The following LRP1B variants were observed in gnomAD, a reference collection of about 807,000 sequenced individuals.
LRP1B encodes the protein low-density lipoprotein receptor-related protein 1B.
LRP1B carries 217 observed loss-of-function variants against 556.6 expected under a neutral mutation model. The ratio of observed to expected loss-of-function variants is 0.39; its 90% CI spans 0.35 to 0.44. LRP1B has a LOEUF of 0.44. Among genes scored for constraint, LRP1B ranks in the 20% least tolerant of loss-of-function variants. The probability of loss-of-function intolerance (pLI) is 1.00; values close to 1 mark genes in which losing one functional copy is unlikely to be tolerated. For missense variants in LRP1B, 5,053 were observed against 5,620.8 expected, an observed-to-expected ratio of 0.90 and a Z score of 3.23; for synonymous variants, 2,047 against 1,865.8, an observed-to-expected ratio of 1.10 and a Z score of -2.50.
intron 65 of LRP1B, 70 bp from the exon 66 acceptor site, chr2:140,442,693 A>G (rs1686484368): frequency 5.4e-6 from 8 of 1,484,078 alleles, no homozygotes; most frequent in Non-Finnish European, 7.4e-6. Flanking sequence ...CAAATTTTAC[A>G]GACAAATGTT....
intron 1 of LRP1B, among the ~76,000 whole-genome samples, chr2:141,953,316 A>G (rs1032763540): frequency 2.6e-5 from 4 of 152,086 alleles, no homozygotes; most frequent in Admixed American, 6.6e-5. Context: ...TATTTATACA[A>G]TTACTTTTAT....
intron 72 of LRP1B, among the ~76,000 whole-genome samples, chr2:140,364,214 T>C (rs978190390): frequency 2.0e-5 from 3 of 151,638 alleles, no homozygotes; most frequent in African/African-American, 4.8e-5. Flanking sequence ...GATATACAGA[T>C]AGATGATTGA....
At chr2:141,568,831 G>A (rs1250437672) in intron 2 of LRP1B, among the ~76,000 whole-genome samples, 1 of 151,110 alleles carries the variant, frequency 6.6e-6, no homozygotes, top group East Asian at 1.9e-4. Flanking sequence ...TCAGCTCACT[G>A]CAACCTCCAC....
At chr2:140,849,987 A>G in intron 29 of LRP1B, 115 bp downstream of exon 29, 1 of 685,520 alleles carries the variant, frequency 1.5e-6, no homozygotes, top group South Asian at 1.9e-5. Context: ...AATCAATTCT[A>G]ACTTTCAATT....
chr2:141,881,672 A>G (rs1036809216), intron 1 of LRP1B, among the ~76,000 whole-genome samples: 2 of 152,080 alleles, frequency 1.3e-5, no homozygotes, highest in African/African-American at 2.4e-5. Flanking sequence ...GTGAAAAAAA[A>G]ACATTGCAGG....
At chr2:141,114,056 AAGC>A (rs1379951009) in intron 7 of LRP1B, among the ~76,000 whole-genome samples, 1 of 152,232 alleles carries the variant, frequency 6.6e-6, no homozygotes, top group Non-Finnish European at 1.5e-5. Flanking sequence ...AATTATGGTG[AAGC>A]AGGAGAATTC....
chr2:141,782,329 T>G (rs1484296216), intron 2 of LRP1B, among the ~76,000 whole-genome samples: 3 of 152,202 alleles, frequency 2.0e-5, no homozygotes, highest in Admixed American at 6.6e-5. Context: ...TAATGGATTT[T>G]ACCACAGATT....
At chr2:141,586,551 T>C (rs1687140438) in intron 2 of LRP1B, among the ~76,000 whole-genome samples, 1 of 152,104 alleles carries the variant, frequency 6.6e-6, no homozygotes, top group African/African-American at 2.4e-5. Context: ...CTAGAACAAA[T>C]GAAGTGATTG....
intron 2 of LRP1B, among the ~76,000 whole-genome samples, chr2:141,672,633 G>A (rs1690715530): frequency 6.6e-6 from 1 of 152,114 alleles, no homozygotes; most frequent in Non-Finnish European, 1.5e-5. Context: ...AATCTGGGAA[G>A]CCTGCACAAT....
chr2:141,727,649 A>G (rs13017029), intron 2 of LRP1B, among the ~76,000 whole-genome samples: 89,857 of 152,000 alleles, frequency 0.59, 27,074 homozygotes, highest in East Asian at 0.92. Flanking sequence ...AAATTCTACT[A>G]TTCTTTCCAA....
intron 2 of LRP1B, among the ~76,000 whole-genome samples, chr2:141,724,156 A>G (rs1692943871): frequency 6.6e-6 from 1 of 151,902 alleles, no homozygotes. Context: ...ATCATTCATG[A>G]GATTTGTTTA....
intron 18 of LRP1B, among the ~76,000 whole-genome samples, chr2:140,970,668 G>A (rs1696384721): frequency 6.7e-6 from 1 of 148,706 alleles, no homozygotes; most frequent in South Asian, 2.2e-4. Context: ...TCTTGGAACT[G>A]CCCCAGGATC....
At chr2:140,356,595 A>G (rs1682233912) in intron 74 of LRP1B, 119 bp from the exon 75 acceptor site, 2 of 670,140 alleles carry the variant, frequency 3.0e-6, no homozygotes, top group Non-Finnish European at 5.0e-6. Flanking sequence ...TTTTGAATGT[A>G]CAAGGTTACG....
At chr2:141,404,659 T>C (rs530851001) in intron 3 of LRP1B, among the ~76,000 whole-genome samples, 1 of 152,206 alleles carries the variant, frequency 6.6e-6, no homozygotes. Flanking sequence ...TAATGCTGAA[T>C]GTATAGTGGC....
intron 4 of LRP1B, among the ~76,000 whole-genome samples, chr2:141,251,684 G>T (rs749397407): frequency 1.1e-4 from 17 of 152,022 alleles, no homozygotes; most frequent in Non-Finnish European, 2.2e-4. Context: ...AAGAAGTAAA[G>T]TTCTTCTGAA....
chr2:140,314,548 AT>A (rs1307358594), intron 83 of LRP1B, among the ~76,000 whole-genome samples: 3 of 152,154 alleles, frequency 2.0e-5, no homozygotes, highest in African/African-American at 7.2e-5. Context: ...TACATTTAAA[AT>A]AATCCTAATT....
intron 2 of LRP1B, among the ~76,000 whole-genome samples, chr2:141,765,905 C>A (rs1481554415): frequency 6.6e-6 from 1 of 152,170 alleles, no homozygotes; most frequent in Non-Finnish European, 1.5e-5. Flanking sequence ...TAGGGTCCAG[C>A]ACTTTCCAGA....
chr2:141,749,395 A>C (rs1370348978), intron 2 of LRP1B, among the ~76,000 whole-genome samples: 2 of 152,160 alleles, frequency 1.3e-5, no homozygotes, highest in Non-Finnish European at 2.9e-5. Flanking sequence ...GAAACAACAC[A>C]AGTCAAGAGT....
intron 2 of LRP1B, among the ~76,000 whole-genome samples, chr2:141,632,410 C>T (rs1038129146): frequency 6.6e-6 from 1 of 152,082 alleles, no homozygotes; most frequent in Non-Finnish European, 1.5e-5. Context: ...TAACAGAATG[C>T]ATTTTAATCT....
Sources: allele counts gnomAD v4.1 joint callset (sites outside exome capture counted in the v4.1 genomes callset), GRCh38; gene constraint gnomAD v4.1.1; transcripts MANE v1.5; gene names NCBI Gene and HGNC (gene_info 2026-07-23, HGNC 2026-07-21).